The following MOXD1 variants were observed in gnomAD, a reference collection of about 807,000 sequenced individuals.
MOXD1 encodes the protein DBH-like monooxygenase protein 1.
MOXD1 carries 62 observed loss-of-function variants against 66.6 expected under a neutral mutation model. The ratio of observed to expected loss-of-function variants is 0.93; its 90% confidence interval spans 0.76 to 1.15. The LOEUF (loss-of-function observed/expected upper bound fraction) is 1.15. Among genes scored for constraint, MOXD1 ranks in the 50% most tolerant of loss-of-function variants. The probability of loss-of-function intolerance (pLI) is 0.00; values close to 1 mark genes in which losing one functional copy is unlikely to be tolerated. For missense variants in MOXD1, 847 were observed against 754.6 expected (o/e 1.12, Z -1.44); for synonymous variants, 303 against 281.9 (o/e 1.07, Z -0.75).
chr6:132,324,999 T>C (rs768273254), intron 6 of MOXD1: 5 of 150,906 alleles, frequency 3.3e-5, no homozygotes, highest in Non-Finnish European at 7.4e-5. Flanking sequence ...ACTTAGAAGA[T>C]ATCCATTACT....
chr6:132,352,146 T>A (rs1775814228), intron 4 of MOXD1, among the ~76,000 whole-genome samples: 1 of 152,164 alleles, frequency 6.6e-6, no homozygotes, highest in Admixed American at 6.5e-5. Context: ...TCAGGTCTGA[T>A]CCGGGTTATT....
intron 4 of MOXD1, among the ~76,000 whole-genome samples, chr6:132,353,254 G>T (rs1465108171): frequency 5.3e-5 from 8 of 151,926 alleles, no homozygotes; most frequent in African/African-American, 1.7e-4. Context: ...TGTTTTATAG[G>T]TCCTATGTGA....
intron 1 of MOXD1, among the ~76,000 whole-genome samples, chr6:132,380,871 G>C (rs1471864447): frequency 6.6e-6 from 1 of 152,146 alleles, no homozygotes; most frequent in Non-Finnish European, 1.5e-5. Flanking sequence ...AGACACATCT[G>C]GCACTGAAAT....
intron 1 of MOXD1, among the ~76,000 whole-genome samples, chr6:132,383,358 G>A (rs181415290): frequency 1.3e-5 from 2 of 152,202 alleles, no homozygotes; most frequent in African/African-American, 2.4e-5. Flanking sequence ...AAATTTAAGT[G>A]GAATGTCAAA....
chr6:132,386,447 A>C (rs9493299), intron 1 of MOXD1, among the ~76,000 whole-genome samples: 28,365 of 129,748 alleles, frequency 0.22, 4,671 homozygotes, highest in African/African-American at 0.52. Context: ...AAAAAAAAAC[A>C]AAAAAAAAAC....
At chr6:132,373,362 A>C (rs1352987446) in intron 2 of MOXD1, among the ~76,000 whole-genome samples, 3 of 152,246 alleles carry the variant, frequency 2.0e-5, no homozygotes. Context: ...ATTCTTGTTC[A>C]GCAGCAGAGA....
intron 10 of MOXD1, 139 bp downstream of exon 10, chr6:132,315,490 TACTTGG>T: frequency 3.2e-6 from 3 of 947,248 alleles, no homozygotes; most frequent in Non-Finnish European, 4.7e-6. Context: ...TCAAAAAGGT[TACTTGG>T]TCTCCCCAGT....
chr6:132,298,552 G>T (rs1774461076), intron 10 of MOXD1, among the ~76,000 whole-genome samples: 1 of 152,006 alleles, frequency 6.6e-6, no homozygotes, highest in Non-Finnish European at 1.5e-5. Context: ...ATCTGTTTTG[G>T]CTTAGCTAAG....
rs369116991 is a variant in MOXD1 at position 132,306,441 on chromosome 6, C to T, written c.1509-8486G>A. On this transcript the variant is annotated intron_variant, in intron 10 of 11. Coordinates refer to ENST00000367963, the MANE Select transcript of MOXD1 (RefSeq NM_015529.4). Reference sequence around the variant, plus strand: ...TGGAAACAAGCTGGAAAACATGCTTCGGGATATTATCCGGGAGAACTTCCC... The same window carrying T: ...TGGAAACAAGCTGGAAAACATGCTTTGGGATATTATCCGGGAGAACTTCCC... Among the ~76,000 whole-genome samples, 43 of 152,212 alleles carry T rather than the reference C, an allele frequency of 2.8e-4. 1 individual carries two copies. Among genetic ancestry groups the T allele is most frequent in the South Asian group, 1.0e-3 (5 of 4,822 alleles).
chr6:132,377,881 A>T (rs763686475), intron 1 of MOXD1, among the ~76,000 whole-genome samples: 2 of 152,150 alleles, frequency 1.3e-5, no homozygotes, highest in Non-Finnish European at 2.9e-5. Context: ...TAATCCCAGC[A>T]ATTTAGGAGG....
intron 7 of MOXD1, 96 bp from the exon 8 acceptor site, chr6:132,322,966 A>T (rs1465561418): frequency 2.8e-6 from 3 of 1,071,516 alleles, no homozygotes; most frequent in Non-Finnish European, 3.9e-6. Flanking sequence ...CTGAGATAAA[A>T]AGCTAAAGCA....
intron 1 of MOXD1, among the ~76,000 whole-genome samples, chr6:132,378,980 C>T (rs1174516333): frequency 2.3e-5 from 3 of 128,448 alleles, no homozygotes; most frequent in Non-Finnish European, 4.7e-5. Flanking sequence ...TTGGTGCGAT[C>T]TCAGTTTACT....
chr6:132,387,921 C>T lies in MOXD1; in HGVS notation c.265-13144G>A, dbSNP rs144568070. On this transcript the variant is annotated intron_variant, in intron 1 of 11. Coordinates refer to ENST00000367963, the MANE Select transcript of MOXD1 (RefSeq NM_015529.4). ...ATATTTAATACCCTAATCTACAGGT[C>T]CAGCAAATCAAATGCAAAAGAAAAT... 2.1e-3 allele frequency among the ~76,000 whole-genome samples: 322 copies of T among 151,268 alleles called. 7 individuals carry two copies. Among genetic ancestry groups the T allele is most frequent in the Non-Finnish European group, 3.2e-3 (215 of 67,624 alleles).
intron 10 of MOXD1, among the ~76,000 whole-genome samples, chr6:132,300,126 T>A (rs1774499838): frequency 6.6e-6 from 1 of 152,122 alleles, no homozygotes; most frequent in South Asian, 2.1e-4. Context: ...TCAATATATA[T>A]CTTTGTTGAG....
intron 4 of MOXD1, among the ~76,000 whole-genome samples, chr6:132,367,492 T>G (rs1211978705): frequency 6.6e-6 from 1 of 152,070 alleles, no homozygotes; most frequent in Non-Finnish European, 1.5e-5. Context: ...TAAATTGATT[T>G]GCCTAAGGTC....
At chr6:132,382,781 G>C (rs1241594018) in intron 1 of MOXD1, among the ~76,000 whole-genome samples, 1 of 152,162 alleles carries the variant, frequency 6.6e-6, no homozygotes, top group Non-Finnish European at 1.5e-5. Context: ...GTTGACATCT[G>C]TTATTTAGCA....
At chr6:132,352,237 T>C (rs948290278) in intron 4 of MOXD1, among the ~76,000 whole-genome samples, 1 of 152,202 alleles carries the variant, frequency 6.6e-6, no homozygotes, top group Non-Finnish European at 1.5e-5. Context: ...TGTCAGTTTG[T>C]GCTCTTTCAG....
At chr6:132,310,427 G>A (rs1452252198) in intron 10 of MOXD1, among the ~76,000 whole-genome samples, 1 of 152,198 alleles carries the variant, frequency 6.6e-6, no homozygotes, top group East Asian at 1.9e-4. Context: ...CACTACGGAA[G>A]ACAGTATGGC....
intron 4 of MOXD1, among the ~76,000 whole-genome samples, chr6:132,350,568 T>G (rs1775781683): frequency 6.6e-6 from 1 of 152,224 alleles, no homozygotes; most frequent in Non-Finnish European, 1.5e-5. Flanking sequence ...CCTCCAGATT[T>G]GTTCTTTTTG....
Sources: gnomAD v4.1 joint callset for allele counts (sites outside exome capture counted in the v4.1 genomes callset) on GRCh38, gnomAD v4.1.1 for gene constraint, MANE v1.5 for transcripts, NCBI Gene and HGNC (gene_info 2026-07-23, HGNC 2026-07-21) for gene names.